Variants in OPCML observed in about 807,000 individuals in gnomAD.
OPCML encodes the protein opioid-binding protein/cell adhesion molecule.
A neutral mutation model predicts 37.8 loss-of-function variants in OPCML; 13 were observed. That is an observed-to-expected ratio of 0.34 (90% CI 0.22 to 0.55). The LOEUF (loss-of-function observed/expected upper bound fraction) is 0.55. Among genes scored for constraint, OPCML ranks in the 20% least tolerant of loss-of-function variants. The pLI, the probability that OPCML is intolerant of heterozygous loss-of-function variation, is 0.91. For missense variants in OPCML, 341 were observed against 435.6 expected (o/e 0.78, Z 1.93); for synonymous variants, 176 against 168.8 (o/e 1.04, Z -0.33).
chr11:133,499,859 C>CATATATAT (rs1165126457), intron 1 of OPCML, among the ~76,000 whole-genome samples: 3 of 122,168 alleles, frequency 2.5e-5, no homozygotes, highest in African/African-American at 7.4e-5. Flanking sequence ...TATACATACA[C>CATATATAT]ATATATATAT....
chr11:133,108,092 A>T (rs915022965), intron 1 of OPCML, among the ~76,000 whole-genome samples: 1 of 152,210 alleles, frequency 6.6e-6, no homozygotes, highest in African/African-American at 2.4e-5. Context: ...TTATGGCAGG[A>T]GAGGGTTCAC....
chr11:132,795,176 A>G (rs1938231734), intron 2 of OPCML, among the ~76,000 whole-genome samples: 1 of 152,128 alleles, frequency 6.6e-6, no homozygotes, highest in Non-Finnish European at 1.5e-5. Context: ...TGTTGAGTAC[A>G]TGGGTGTTAG....
intron 4 of OPCML, among the ~76,000 whole-genome samples, chr11:132,465,555 A>G (rs1397415098): frequency 6.6e-6 from 1 of 151,328 alleles, no homozygotes; most frequent in African/African-American, 2.4e-5. Context: ...ATTTTCTTAT[A>G]TTATTTTCTT....
chr11:133,230,940 G>C (rs996742657), intron 1 of OPCML, among the ~76,000 whole-genome samples: 3 of 152,190 alleles, frequency 2.0e-5, no homozygotes, highest in African/African-American at 4.8e-5. Flanking sequence ...CTGTGATTCA[G>C]ACACCGGATC....
rs150020846 is a variant in OPCML, at chr11:133,368,507, G to A, written c.61+163757C>T. On this transcript the variant is annotated intron_variant, in intron 1 of 7. Coordinates refer to ENST00000524381, the MANE Select transcript of OPCML (RefSeq NM_001012393.5). ...GGTAAGTGTGTCCTTATCCTCCCAA[G>A]CCTATGAGAGAATAAAAAAAGAACA... Among the ~76,000 whole-genome samples the A allele has an allele frequency of 2.0e-5, 3 of 152,200 alleles. No individual in the cohort carries two copies. The East Asian group carries it at 5.8e-4, about 29-fold the overall frequency.
chr11:132,722,049 A>G (rs1004816107), intron 2 of OPCML, among the ~76,000 whole-genome samples: 3 of 128,048 alleles, frequency 2.3e-5, no homozygotes, highest in African/African-American at 9.0e-5. Context: ...TCCACCTCCC[A>G]GCTTCATGCC....
intron 4 of OPCML, among the ~76,000 whole-genome samples, chr11:132,520,894 A>G (rs968015322): frequency 2.0e-5 from 3 of 152,078 alleles, no homozygotes; most frequent in Non-Finnish European, 4.4e-5. Context: ...TATATACCAA[A>G]TACCATTACC....
chr11:133,449,749 T>C (rs529756178), intron 1 of OPCML, among the ~76,000 whole-genome samples: 2 of 151,842 alleles, frequency 1.3e-5, no homozygotes, highest in Admixed American at 1.3e-4. Context: ...TAGATGATTT[T>C]ATATCAAGAT....
At chr11:133,078,234 C>T (rs764921616) in intron 1 of OPCML, among the ~76,000 whole-genome samples, 1 of 152,174 alleles carries the variant, frequency 6.6e-6, no homozygotes, top group East Asian at 1.9e-4. Flanking sequence ...ACTCAAGATG[C>T]GTGCAGCCGC....
At chr11:133,168,274 C>G (rs1156883873) in intron 1 of OPCML, among the ~76,000 whole-genome samples, 1 of 152,214 alleles carries the variant, frequency 6.6e-6, no homozygotes, top group Non-Finnish European at 1.5e-5. Flanking sequence ...TGGAATGAGA[C>G]TGCTTTGCTG....
intron 1 of OPCML, chr11:133,067,468 C>T (rs959731992): frequency 2.6e-5 from 4 of 152,188 alleles, no homozygotes; most frequent in African/African-American, 9.7e-5. Flanking sequence ...AGCTCATGCT[C>T]AACCCTGGCT....
chr11:132,771,311 G>A (rs1252919879), intron 2 of OPCML, among the ~76,000 whole-genome samples: 1 of 152,112 alleles, frequency 6.6e-6, no homozygotes, highest in Non-Finnish European at 1.5e-5. Context: ...TTGCACGATG[G>A]GGATTCAATA....
chr11:132,871,739 CA>C (rs1462833989), intron 2 of OPCML, among the ~76,000 whole-genome samples: 6 of 152,230 alleles, frequency 3.9e-5, no homozygotes, highest in Non-Finnish European at 8.8e-5. Flanking sequence ...ATGTTTTGGA[CA>C]AAGGCACTCT....
intron 1 of OPCML, among the ~76,000 whole-genome samples, chr11:133,348,598 A>G (rs1347914915): frequency 1.3e-5 from 2 of 152,168 alleles, no homozygotes; most frequent in Non-Finnish European, 2.9e-5. Context: ...AGGCTGGGGG[A>G]CTTTGGCACA....
intron 1 of OPCML, among the ~76,000 whole-genome samples, chr11:132,983,894 T>C (rs1045007431): frequency 6.6e-6 from 1 of 152,222 alleles, no homozygotes. Flanking sequence ...AAGAAGGCAC[T>C]AAGTAATTTC....
intron 1 of OPCML, among the ~76,000 whole-genome samples, chr11:133,306,449 A>G (rs1942921004): frequency 6.6e-6 from 1 of 152,176 alleles, no homozygotes; most frequent in Non-Finnish European, 1.5e-5. Flanking sequence ...TCTAAAATTG[A>G]CATTGGTTTC....
At chr11:133,053,505 G>C (rs1342624298) in intron 1 of OPCML, among the ~76,000 whole-genome samples, 8 of 152,160 alleles carry the variant, frequency 5.3e-5, no homozygotes, top group Non-Finnish European at 2.9e-5. Flanking sequence ...GTCAGGCTCT[G>C]TTCCCATTTT....
chr11:133,342,625 G>A (rs748395062), intron 1 of OPCML, among the ~76,000 whole-genome samples: 18 of 152,294 alleles, frequency 1.2e-4, no homozygotes, highest in African/African-American at 3.6e-4. Flanking sequence ...CTAGTGAAGC[G>A]TGTGAAGAGG....
chr11:132,546,070 T>C (rs781673626), intron 3 of OPCML, among the ~76,000 whole-genome samples: 3 of 152,228 alleles, frequency 2.0e-5, no homozygotes, highest in Non-Finnish European at 4.4e-5. Context: ...GAAGCTTATA[T>C]AACTAAATTT....
Sources: allele counts gnomAD v4.1 joint callset (sites outside exome capture counted in the v4.1 genomes callset), GRCh38; gene constraint gnomAD v4.1.1; transcripts MANE v1.5; gene names NCBI Gene and HGNC (gene_info 2026-07-23, HGNC 2026-07-21).